Variants in CHRNE observed in about 807,000 individuals in gnomAD.
CHRNE encodes cholinergic receptor nicotinic epsilon subunit, also known as acetylcholine receptor subunit epsilon.
In CHRNE, 58 loss-of-function variants were observed where a neutral mutation model predicts 56.5. The observed-to-expected ratio is 1.03, with a 90% CI of 0.83 to 1.28. The LOEUF (loss-of-function observed/expected upper bound fraction) is 1.28, where lower values mean the gene tolerates loss of function less well. CHRNE is among the 50% of genes most tolerant of loss of function. The probability of loss-of-function intolerance (pLI) is 0.00; values close to 1 mark genes in which losing one functional copy is unlikely to be tolerated. For synonymous variants in CHRNE, 385 were observed against 297.9 expected (o/e 1.29, Z -3.01); for missense variants, 793 against 688.9 (o/e 1.15, Z -1.69).
Position 4,902,874 on chromosome 17 carries a change from TA to T in CHRNE, c.47-112del. 6.3e-7 allele frequency: 1 copy of T among 1,582,686 alleles called. No individual in the cohort carries two copies. The highest frequency in any genetic ancestry group is 8.7e-7 in the Non-Finnish European group (1 of 1,152,548). ...GGCCTCTGAGGCTGTGTACTATCAG[TA>T]TCTGTCTCCTAAACCAATTATGCTG... is the stretch of plus-strand genomic sequence containing the variant. On this transcript the variant is annotated intron_variant, in intron 1 of 11. Coordinates refer to ENST00000649488, the MANE Select transcript of CHRNE (RefSeq NM_000080.4). The surrounding 1 kb of genome is among the most constrained non-coding windows in gnomAD (Gnocchi z 4.0).
chr17:4,900,079 C>A (rs1013176435), intron 8 of CHRNE: 1 of 1,551,050 alleles, frequency 6.4e-7, no homozygotes. Context: ...CCCCGAAGCC[C>A]ACCCTGGGGC....
In CHRNE at chr17:4,902,393, TG is replaced by T. The variant is rs886918234; in HGVS notation, c.234+56del. On this transcript the variant is annotated intron_variant, in intron 3 of 11. Transcript: ENST00000649488. This position sits in a 1 kb window ranked among gnomAD's most constrained non-coding sequence, Gnocchi z 4.0. ...CACCTGGCGCTGCCTGGGAGGGGTT[TG>T]GGGGAAAAGGGGTGCCCTGGACAAG... The T allele has an allele frequency of 5.0e-6, 8 of 1,613,658 alleles. No homozygotes were observed. In the African/African-American group the frequency reaches 1.1e-4, roughly 22 times the overall value.
Position 4,900,157 on chromosome 17 carries a change from G to C in CHRNE, c.918-575C>G. On this transcript the variant is annotated intron_variant, in intron 8 of 11. Transcript: ENST00000649488. ...CCACCTTGTTAGAGGTGGGGTACTGGGGGGCTTAGGATACGCGGCGATCGG... is the reference window on the plus strand; with the variant it reads ...CCACCTTGTTAGAGGTGGGGTACTGCGGGGCTTAGGATACGCGGCGATCGG... The C allele has an allele frequency of 1.9e-6, 3 of 1,548,580 alleles. No homozygotes were observed. In the East Asian group the frequency reaches 7.3e-5, roughly 38 times the overall value.
rs1567638591 is a variant in CHRNE at position 4,901,014 on chromosome 17, G to A, written c.778C>T (p.Leu260Phe). ...PCVLISGLVLLAYFLPAQAGG... is the reference protein window; with the variant it reads ...PCVLISGLVLFAYFLPAQAGG... ...CCCTGCGCCGGCAGGAAGTAGGCGAGCAGCACCAGGCCCGAGATGAGCACA... is the reference window on the plus strand; with the variant it reads ...CCCTGCGCCGGCAGGAAGTAGGCGAACAGCACCAGGCCCGAGATGAGCACA... Residue 260 changes from leucine (L) to phenylalanine (F), a missense_variant, in exon 7 of 12, where the codon CTC (leucine) becomes TTC (phenylalanine). Transcript: ENST00000649488. The A allele has an allele frequency of 6.2e-7, 1 of 1,614,008 alleles. No homozygotes were observed.
rs1970031535 is a variant in CHRNE, at chr17:4,902,691, C to T, written c.119G>A (p.Arg40Gln). ...AGTATCCTCAGGCTCCCGCACTGGC[C>T]GGCTTCCTGGGTCATAGTTGTTGAA... is the stretch of plus-strand genomic sequence containing the variant. ...HLFNNYDPGS[R>Q]PVREPEDTVT... Residue 40 changes from arginine to glutamine, a missense_variant, in exon 2 of 12, where the codon CGG (arginine) becomes CAG (glutamine). Arg to Gln is a conservative substitution (Grantham distance 43). Transcript: ENST00000649488. This position sits in a 1 kb window ranked among gnomAD's most constrained non-coding sequence, Gnocchi z 4.0. 2 of 1,613,976 alleles carry T rather than the reference C, an allele frequency of 1.2e-6. No individual in the cohort carries two copies. Among genetic ancestry groups the T allele is most frequent in the Admixed American group, 1.7e-5 (1 of 60,006 alleles).
intron 8 of CHRNE, chr17:4,899,825 C>T (rs1396012527): frequency 1.3e-6 from 2 of 1,551,042 alleles, no homozygotes; most frequent in Non-Finnish European, 1.7e-6. Context: ...ACAGCTCCAC[C>T]GAGGTGAGGC....
In CHRNE at chr17:4,899,245, C is replaced by T. The variant is rs138546068; in HGVS notation, c.1172G>A (p.Ser391Asn). 9 of 1,606,776 alleles carry T rather than the reference C, an allele frequency of 5.6e-6. No individual in the cohort carries two copies. In the Admixed American group the frequency reaches 1.0e-4, roughly 18 times the overall value. Reference protein sequence around the residue: ...AEELILKKPRSELVFEGQRHR... With the variant: ...AEELILKKPRNELVFEGQRHR... ...CCTCTGCCCCTCAAACACGAGCTCG[C>T]TCCGTGGCTTTTTCAGTATCAGCTC... The change falls in exon 10 of 12, where the codon AGC becomes AAC. Residue 391 changes from serine (S) to asparagine (N), a missense_variant. Ser to Asn is a conservative substitution (Grantham distance 46). Coordinates refer to ENST00000649488, the MANE Select transcript of CHRNE (RefSeq NM_000080.4).
upstream of CHRNE, among the ~76,000 whole-genome samples, chr17:4,905,662 A>G (rs1402054366): frequency 6.6e-6 from 1 of 151,964 alleles, no homozygotes; most frequent in Non-Finnish European, 1.5e-5. Flanking sequence ...AGAGTTCGAG[A>G]CCAGTCTGGC....
intron 8 of CHRNE, 52 bp from the exon 9 acceptor site, chr17:4,899,634 G>GGCGCC: frequency 6.7e-7 from 1 of 1,482,248 alleles, no homozygotes; most frequent in Non-Finnish European, 9.2e-7. Context: ...AGCTACCGAA[G>GGCGCC]GCGCCGCGCG....
chr17:4,901,721 T>C (rs1453836437), intron 5 of CHRNE, 96 bp from the exon 6 acceptor site: 1 of 1,345,062 alleles, frequency 7.4e-7, no homozygotes, highest in Non-Finnish European at 1.1e-6. Context: ...GGGGCCGCGA[T>C]CCCAAGCCCA....
chr17:4,907,770 G>C (rs1233838614), upstream of CHRNE, among the ~76,000 whole-genome samples: 1 of 152,150 alleles, frequency 6.6e-6, no homozygotes, highest in Non-Finnish European at 1.5e-5. Flanking sequence ...GGCTGGGTGA[G>C]GTGGCTCGTG....
intron 8 of CHRNE, chr17:4,900,377 G>C: frequency 6.5e-7 from 1 of 1,549,654 alleles, no homozygotes; most frequent in East Asian, 2.4e-5. Context: ...CTGGGGCTGC[G>C]GTGGGCGCCA....
intron 5 of CHRNE, 50 bp downstream of exon 5, chr17:4,901,882 A>T: frequency 3.4e-6 from 5 of 1,484,000 alleles, no homozygotes; most frequent in Non-Finnish European, 4.7e-6. Context: ...CCGCCCCATA[A>T]GGCCCCCCCC....
rs748765369 is a variant in CHRNE, at chr17:4,901,087, G to C, written c.705C>G (p.Ile235Met). 9.3e-6 allele frequency: 15 copies of C among 1,613,848 alleles called. No individual in the cohort carries two copies. The Middle Eastern group carries it at 4.9e-4, about 53-fold the overall frequency. ...PGETDVIYSL[I>M]IRRKPLFYVI... ...CGTAGAAGAGCGGCTTCCGGCGGATGATGAGCGAGTAGATGACGTCAGTCT... is the reference window on the plus strand; with the variant it reads ...CGTAGAAGAGCGGCTTCCGGCGGATCATGAGCGAGTAGATGACGTCAGTCT... Residue 235 changes from isoleucine (I) to methionine (M), a missense_variant, in exon 7 of 12, where the codon ATC becomes ATG. By Grantham distance (10) the Ile-to-Met change is conservative. Transcript: ENST00000649488.
chr17:4,901,286 G>T, intron 6 of CHRNE, 96 bp from the exon 7 acceptor site: 1 of 1,366,408 alleles, frequency 7.3e-7, no homozygotes, highest in African/African-American at 1.4e-5. Context: ...CTGCACCAGG[G>T]TCATGGGCCG....
intron 6 of CHRNE, 39 bp downstream of exon 6, chr17:4,901,486 G>A (rs757064307): frequency 1.1e-5 from 18 of 1,589,956 alleles, no homozygotes; most frequent in Admixed American, 1.7e-5. Flanking sequence ...TCTGGACCCC[G>A]TCTAGAAGCG....
chr17:4,900,286 C>T (rs1567637854), intron 8 of CHRNE: 1 of 1,545,224 alleles, frequency 6.5e-7, no homozygotes, highest in Admixed American at 2.0e-5. Context: ...GACGGCAGCG[C>T]GGGCCCAGCC....
chr17:4,903,202 T>C (rs2151099308), upstream of CHRNE: 2 of 857,420 alleles, frequency 2.3e-6, no homozygotes, highest in Non-Finnish European at 3.8e-6. Context: ...TCACCCCTGC[T>C]GCAGCTGGGG....
rs781536510 is a variant in CHRNE, at chr17:4,900,888, C to A, written c.822G>T (p.Thr274=). ...GGGCGAGCAGGACGTTGATGGAGAC[C>A]GTGCATTTCTGGCCGCCGGCTGGAG... The part of the protein sequence containing the change: ...LPAQAGGQKC[T]VSINVLLAQT... The change falls in exon 8 of 12, where the codon ACG becomes ACT. Residue 274 remains threonine (T), a synonymous_variant. Coordinates refer to ENST00000649488, the MANE Select transcript of CHRNE (RefSeq NM_000080.4). 1 of 1,614,158 alleles carries A rather than the reference C, an allele frequency of 6.2e-7. No individual in the cohort carries two copies. The highest frequency in any genetic ancestry group is 8.5e-7 in the Non-Finnish European group (1 of 1,180,004).
Sources: allele counts gnomAD v4.1 joint callset (sites outside exome capture counted in the v4.1 genomes callset), GRCh38; gene constraint gnomAD v4.1.1; non-coding constraint Gnocchi (gnomAD v3.1); transcripts MANE v1.5; gene names NCBI Gene and HGNC (gene_info 2026-07-23, HGNC 2026-07-21).